SMYD3: variants seen among roughly 807,000 people sequenced by gnomAD.
SMYD3 encodes the protein SET and MYND domain containing 3, also known as histone-lysine N-methyltransferase SMYD3.
Under a neutral mutation model 57.7 loss-of-function variants are expected in SMYD3, and 36 were observed. The observed-to-expected ratio is 0.62, with a 90% CI of 0.48 to 0.82. SMYD3 has a LOEUF of 0.82. Ranked by LOEUF, SMYD3 falls within the 40% of genes least tolerant of loss-of-function variation. The probability of loss-of-function intolerance (pLI) is 0.00; values close to 1 mark genes in which losing one functional copy is unlikely to be tolerated. For missense variants in SMYD3, 515 were observed against 538.8 expected (o/e 0.96, Z 0.44); for synonymous variants, 211 against 195.0 (o/e 1.08, Z -0.68).
rs371105419 is a variant in SMYD3 at position 245,920,041 on chromosome 1, C to T, written c.703-4401G>A. Among the ~76,000 whole-genome samples the T allele has an allele frequency of 4.7e-4, 71 of 152,232 alleles. 1 individual carries two copies. The highest frequency in any genetic ancestry group is 1.4e-3 in the African/African-American group (57 of 41,524). ...AAGATGAGCAAGTTAAGGCCGGCCA[C>T]GGTGGCTCACGCCTGTAATCCCAGC... is the stretch of plus-strand genomic sequence containing the variant. On this transcript the variant is annotated intron_variant, in intron 7 of 11. Coordinates refer to ENST00000490107, the MANE Select transcript of SMYD3 (RefSeq NM_001167740.2).
intron 5 of SMYD3, among the ~76,000 whole-genome samples, chr1:246,230,104 T>C (rs1238075206): frequency 6.6e-6 from 1 of 152,172 alleles, no homozygotes; most frequent in African/African-American, 2.4e-5. Context: ...TGTGTGAAGA[T>C]TTTCTAATCT....
At chr1:245,761,169 C>A (rs2045827601) in intron 11 of SMYD3, among the ~76,000 whole-genome samples, 1 of 152,136 alleles carries the variant, frequency 6.6e-6, no homozygotes, top group South Asian at 2.1e-4. Context: ...CACCATTTAA[C>A]CCCAGGCCTC....
intron 3 of SMYD3, among the ~76,000 whole-genome samples, chr1:246,333,692 G>A (rs773764602): frequency 2.6e-5 from 4 of 151,796 alleles, no homozygotes; most frequent in Non-Finnish European, 4.4e-5. Flanking sequence ...TGGGAAACAT[G>A]ATGAAACTTC....
intron 5 of SMYD3, among the ~76,000 whole-genome samples, chr1:246,000,391 A>C (rs148760649): frequency 1.2e-4 from 18 of 152,304 alleles, no homozygotes; most frequent in African/African-American, 4.1e-4. Context: ...AAGAAAAAAA[A>C]ACAGAATGTG....
chr1:246,507,107 C>A lies in SMYD3; in HGVS notation c.111G>T (p.Ala37=). 1 of 1,532,498 alleles carries A rather than the reference C, an allele frequency of 6.5e-7. No homozygotes were observed. Among genetic ancestry groups the A allele is most frequent in the South Asian group, 1.2e-5 (1 of 81,842 alleles). 94.9% of individuals were successfully genotyped at this position (1,532,498 alleles called of 1,614,324 possible). A position where few individuals can be genotyped will look rare whatever the true frequency, so the allele number is the denominator to read the frequency against. The change falls in exon 1 of 12, where the codon GCG becomes GCT. Residue 37 remains alanine (A), a synonymous_variant. Transcript: ENST00000490107. ...GELLFRSDPL[A]YTVCKGSRGV... The stretch of plus-strand genomic sequence containing the variant: ...CACGACTCCCCTTGCACACCGTGTA[C>A]GCCAAGGGATCCGAGCGGAAGAGTA...
chr1:245,807,275 A>G (rs1381827355), intron 10 of SMYD3, among the ~76,000 whole-genome samples: 1 of 152,188 alleles, frequency 6.6e-6, no homozygotes, highest in Non-Finnish European at 1.5e-5. Context: ...GCCTCAGGTC[A>G]GCAAAAGGTC....
chr1:246,410,255 CA>C (rs1222933213), intron 1 of SMYD3, among the ~76,000 whole-genome samples: 1 of 152,126 alleles, frequency 6.6e-6, no homozygotes, highest in Non-Finnish European at 1.5e-5. Flanking sequence ...TGCCCATTTT[CA>C]AAAGGAATGC....
At chr1:246,238,489 G>C (rs971501197) in intron 5 of SMYD3, among the ~76,000 whole-genome samples, 4 of 152,072 alleles carry the variant, frequency 2.6e-5, no homozygotes, top group Non-Finnish European at 5.9e-5. Context: ...ATAGTCAACA[G>C]GCAGCATTCA....
At chr1:245,951,545 G>C (rs1439435479) in intron 5 of SMYD3, among the ~76,000 whole-genome samples, 1 of 136,868 alleles carries the variant, frequency 7.3e-6, no homozygotes, top group Non-Finnish European at 1.5e-5. Flanking sequence ...CTCCAGCCTG[G>C]GTGACAGAGC....
chr1:246,025,083 C>T, intron 5 of SMYD3, among the ~76,000 whole-genome samples: 1 of 145,522 alleles, frequency 6.9e-6, no homozygotes, highest in African/African-American at 2.6e-5. Context: ...AAGGGAGATA[C>T]AGGAAGTGGA....
At chr1:246,479,849 T>C (rs2068079605) in intron 1 of SMYD3, among the ~76,000 whole-genome samples, 1 of 152,126 alleles carries the variant, frequency 6.6e-6, no homozygotes, top group Non-Finnish European at 1.5e-5. Context: ...CTGCTGTATC[T>C]TCAGTACCAA....
chr1:246,288,064 T>A (rs1262048771), intron 5 of SMYD3, among the ~76,000 whole-genome samples: 5 of 37,442 alleles, frequency 1.3e-4, no homozygotes, highest in African/African-American at 6.1e-4. Flanking sequence ...AGGTAATTCT[T>A]TTTTTTTTTT....
In SMYD3 at chr1:246,165,860, G is replaced by A. The variant is rs181870757; in HGVS notation, c.531+161341C>T. Among the ~76,000 whole-genome samples, 503 of 152,152 alleles carry A rather than the reference G, an allele frequency of 3.3e-3. 6 individuals carry two copies. The highest frequency in any genetic ancestry group is 0.012 in the African/African-American group (491 of 41,504). On this transcript the variant is annotated intron_variant, in intron 5 of 11. Transcript: ENST00000490107. Reference sequence around the variant, plus strand: ...AATTCACACATTTTTAAGTAAAAATGTCCACTTCCCACTCTACATTAGGGT... The same window carrying A: ...AATTCACACATTTTTAAGTAAAAATATCCACTTCCCACTCTACATTAGGGT...
At chr1:246,352,568 C>T (rs2065848415) in intron 2 of SMYD3, among the ~76,000 whole-genome samples, 1 of 152,228 alleles carries the variant, frequency 6.6e-6, no homozygotes, top group Non-Finnish European at 1.5e-5. Context: ...CACACAAACA[C>T]ATACTCTAGC....
At chr1:246,069,452 T>C (rs2060404280) in intron 5 of SMYD3, among the ~76,000 whole-genome samples, 2 of 152,208 alleles carry the variant, frequency 1.3e-5, no homozygotes, top group African/African-American at 2.4e-5. Flanking sequence ...TGTCTGCTGA[T>C]GTTCATCACT....
chr1:246,321,719 A>C (rs182038392), intron 5 of SMYD3: 2 of 152,128 alleles, frequency 1.3e-5, no homozygotes, highest in African/African-American at 4.8e-5. Flanking sequence ...TTCGGACCCA[A>C]TCAGTACACC....
rs551566348 is a variant in SMYD3 at position 246,302,613 on chromosome 1, G to A, written c.531+24588C>T. 3.0e-4 allele frequency among the ~76,000 whole-genome samples: 45 copies of A among 152,170 alleles called. No homozygotes were observed. In the South Asian group the frequency reaches 8.5e-3, roughly 29 times the overall value. On this transcript the variant is annotated intron_variant, in intron 5 of 11. Transcript: ENST00000490107. ...TTCAGATGAAGACTGAATAGAATGG[G>A]TTAGGGTTAGCTAAGTAGGCTGAGT...
chr1:245,931,047 G>A (rs1369083367), intron 5 of SMYD3, among the ~76,000 whole-genome samples: 3 of 152,192 alleles, frequency 2.0e-5, no homozygotes, highest in Admixed American at 6.5e-5. Flanking sequence ...TGACCAAAGC[G>A]GAGCAAGAAA....
At chr1:246,140,117 C>A (rs2061729006) in intron 5 of SMYD3, among the ~76,000 whole-genome samples, 1 of 152,148 alleles carries the variant, frequency 6.6e-6, no homozygotes, top group African/African-American at 2.4e-5. Flanking sequence ...ATGAAGAATG[C>A]ACATATATAC....
Sources: allele counts gnomAD v4.1 joint callset (sites outside exome capture counted in the v4.1 genomes callset), GRCh38; gene constraint gnomAD v4.1.1; transcripts MANE v1.5; gene names NCBI Gene and HGNC (gene_info 2026-07-23, HGNC 2026-07-21).